Variants in TENM2 observed in about 807,000 individuals in gnomAD.
The protein encoded by TENM2 is teneurin transmembrane protein 2.
Under a neutral mutation model 245.2 loss-of-function variants are expected in TENM2, and 52 were observed. The observed-to-expected ratio is 0.21, with a 90% CI of 0.17 to 0.27. The LOEUF (loss-of-function observed/expected upper bound fraction) is 0.27, where lower values mean the gene tolerates loss of function less well. Ranked by LOEUF, TENM2 falls within the 10% of genes least tolerant of loss-of-function variation. The pLI is 1.00. For missense variants in TENM2, 3,046 were observed against 3,666.8 expected (o/e 0.83, Z 4.37); for synonymous variants, 1,363 against 1,438.9 (o/e 0.95, Z 1.19).
At chr5:167,199,203 G>A in the TENM2 span, among the ~76,000 whole-genome samples, 1 of 151,530 alleles carries the variant, frequency 6.6e-6, no homozygotes. Flanking sequence ...TGCTACTGCT[G>A]ATGGCATCAC....
chr5:167,127,088 G>A, the TENM2 span, among the ~76,000 whole-genome samples: 1 of 151,630 alleles, frequency 6.6e-6, no homozygotes, highest in African/African-American at 2.4e-5. Flanking sequence ...GGTCACATGA[G>A]GCCACCAGAA....
intron 2 of TENM2, among the ~76,000 whole-genome samples, chr5:167,385,962 A>G (rs1004324260): frequency 1.1e-4 from 16 of 149,858 alleles, no homozygotes; most frequent in African/African-American, 3.9e-4. Context: ...CGTTTTTGCA[A>G]TTGTGAATTG....
chr5:167,791,033 GC>G (rs1344381250), intron 2 of TENM2, among the ~76,000 whole-genome samples: 3 of 152,110 alleles, frequency 2.0e-5, no homozygotes, highest in African/African-American at 7.2e-5. Context: ...GCATGTCTCT[GC>G]CAGAGGTTTC....
rs372775015 is a variant in TENM2 at position 168,218,807 on chromosome 5, G to A, written c.4916G>A (p.Arg1639His). 2.2e-5 allele frequency: 35 copies of A among 1,613,792 alleles called. No individual in the cohort carries two copies. Among genetic ancestry groups the A allele is most frequent in the Middle Eastern group, 3.3e-4 (2 of 6,084 alleles). The change falls in exon 23 of 29, where the codon CGT becomes CAT. Residue 1639 changes from arginine (R) to histidine (H), a missense_variant. Transcript: ENST00000518659. This position sits in a 1 kb window ranked among gnomAD's most constrained non-coding sequence, Gnocchi z 5.2. ...AATAATGGGAATTCCCTGAAGATCC[G>A]TCGGGACAGCAGTGGCATGCCCCGT...
chr5:168,175,726 G>A (rs992289755), intron 13 of TENM2, among the ~76,000 whole-genome samples: 2 of 152,066 alleles, frequency 1.3e-5, no homozygotes, highest in African/African-American at 4.8e-5. Context: ...TAGGTGTCTG[G>A]GGTTATGCTG....
At chr5:168,122,431 C>T (rs1795534302) in intron 10 of TENM2, among the ~76,000 whole-genome samples, 1 of 152,180 alleles carries the variant, frequency 6.6e-6, no homozygotes, top group Non-Finnish European at 1.5e-5. Flanking sequence ...CCACCTCGGC[C>T]TCCCAAAGTG....
At chr5:167,215,540 T>C in the TENM2 span, among the ~76,000 whole-genome samples, 1 of 152,258 alleles carries the variant, frequency 6.6e-6, no homozygotes, top group East Asian at 1.9e-4. Flanking sequence ...GCCTGTGCCC[T>C]GTGGGAAGGG....
chr5:166,991,253 A>C, the TENM2 span, among the ~76,000 whole-genome samples: 1 of 149,552 alleles, frequency 6.7e-6, no homozygotes. Flanking sequence ...AAAGTAGGGG[A>C]TGAAAAACTA....
the TENM2 span, among the ~76,000 whole-genome samples, chr5:167,054,800 A>G: frequency 1.3e-5 from 2 of 152,102 alleles, no homozygotes; most frequent in Admixed American, 6.6e-5. Context: ...ATCTATTCAT[A>G]TATTGAATTG....
chr5:167,768,896 G>A (rs1414829666), intron 2 of TENM2, among the ~76,000 whole-genome samples: 7 of 152,168 alleles, frequency 4.6e-5, no homozygotes, highest in African/African-American at 7.2e-5. Flanking sequence ...GGATGTATAG[G>A]TAAGAAGGAG....
chr5:167,883,165 G>T (rs551719956), intron 3 of TENM2, among the ~76,000 whole-genome samples: 1 of 152,290 alleles, frequency 6.6e-6, no homozygotes, highest in African/African-American at 2.4e-5. Flanking sequence ...CCATCAAGGA[G>T]AGAAAGTACA....
chr5:167,239,477 GC>G, the TENM2 span, among the ~76,000 whole-genome samples: 5 of 152,184 alleles, frequency 3.3e-5, no homozygotes, highest in South Asian at 1.0e-3. Flanking sequence ...ACCTAACATA[GC>G]CCATTCACCT....
At chr5:167,327,674 G>C (rs1465524652) in intron 1 of TENM2, among the ~76,000 whole-genome samples, 1 of 152,156 alleles carries the variant, frequency 6.6e-6, no homozygotes, top group Non-Finnish European at 1.5e-5. Flanking sequence ...AAAAGATTTG[G>C]AGATGGGATG....
intron 5 of TENM2, among the ~76,000 whole-genome samples, chr5:168,008,440 A>G (rs1784987757): frequency 6.6e-6 from 1 of 152,204 alleles, no homozygotes; most frequent in Non-Finnish European, 1.5e-5. Flanking sequence ...AAATTATGAC[A>G]TGATATCATG....
intron 2 of TENM2, among the ~76,000 whole-genome samples, chr5:167,644,598 G>A (rs542758547): frequency 3.3e-5 from 5 of 152,122 alleles, no homozygotes; most frequent in African/African-American, 9.7e-5. Context: ...TAAGATAAAC[G>A]CCTCATGACA....
intron 12 of TENM2, among the ~76,000 whole-genome samples, chr5:168,128,392 G>A (rs1796006147): frequency 6.6e-6 from 1 of 152,216 alleles, no homozygotes; most frequent in Non-Finnish European, 1.5e-5. Context: ...CATGCCTGGT[G>A]TTATTTACAT....
chr5:167,379,857 T>G (rs1269264250), intron 2 of TENM2, among the ~76,000 whole-genome samples: 3 of 150,314 alleles, frequency 2.0e-5, no homozygotes, highest in Non-Finnish European at 4.4e-5. Flanking sequence ...CCACATTTTA[T>G]GAAGCCAATT....
At chr5:168,018,089 C>T (rs1785818725) in intron 5 of TENM2, among the ~76,000 whole-genome samples, 1 of 152,182 alleles carries the variant, frequency 6.6e-6, no homozygotes, top group African/African-American at 2.4e-5. Flanking sequence ...AACTGCCTAC[C>T]AGCATCTCGG....
At chr5:168,245,859 C>T (rs1766515686) in intron 26 of TENM2, among the ~76,000 whole-genome samples, 1 of 152,146 alleles carries the variant, frequency 6.6e-6, no homozygotes, top group Non-Finnish European at 1.5e-5. Flanking sequence ...AGGAACCTCC[C>T]AATTGCCTCT....
Sources: allele counts gnomAD v4.1 joint callset (sites outside exome capture counted in the v4.1 genomes callset), GRCh38; gene constraint gnomAD v4.1.1; non-coding constraint Gnocchi (gnomAD v3.1); transcripts MANE v1.5; gene names NCBI Gene and HGNC (gene_info 2026-07-23, HGNC 2026-07-21).